ZPLD1: variants seen among roughly 807,000 people sequenced by gnomAD.
ZPLD1 encodes the protein zona pellucida-like domain-containing protein 1.
Under a neutral mutation model 47.2 loss-of-function variants are expected in ZPLD1, and 34 were observed. The observed-to-expected ratio is 0.72, with a 90% CI of 0.55 to 0.96. The LOEUF (loss-of-function observed/expected upper bound fraction) is 0.96, where lower values mean the gene tolerates loss of function less well. Among genes scored for constraint, ZPLD1 ranks in the 40% least tolerant of loss-of-function variants. The pLI, the probability that ZPLD1 is intolerant of heterozygous loss-of-function variation, is 0.00. For synonymous variants in ZPLD1, 176 were observed against 186.2 expected (o/e 0.95, Z 0.45); for missense variants, 512 against 505.8 (o/e 1.01, Z -0.12).
At chr3:102,448,686 G>T (rs922308253) in intron 3 of ZPLD1, among the ~76,000 whole-genome samples, 1 of 152,148 alleles carries the variant, frequency 6.6e-6, no homozygotes, top group African/African-American at 2.4e-5. Context: ...TTCATTGCAG[G>T]AGTTACAAAT....
In ZPLD1 at chr3:102,477,039, T is replaced by G; in HGVS notation, c.1070T>G (p.Leu357Arg). The G allele has an allele frequency of 6.2e-7, 1 of 1,613,678 alleles. No individual in the cohort carries two copies. The highest frequency in any genetic ancestry group is 8.5e-7 in the Non-Finnish European group (1 of 1,179,658). The change falls in exon 11 of 12, where the codon CTT (leucine) becomes CGT (arginine). Residue 357 changes from leucine to arginine, a missense_variant and splice_region_variant. By Grantham distance (102) the Leu-to-Arg change is moderately radical. Coordinates refer to ENST00000466937, the MANE Select transcript of ZPLD1 (RefSeq NM_001329788.2). The stretch of plus-strand genomic sequence containing the variant: ...GAGACTCCAACCAACAATTCGCAAC[T>G]TGGTAAGATAATTAACATATTTTGC... Reference protein sequence around the residue: ...SDETPTNNSQLGSPSMPPFQL... With the variant: ...SDETPTNNSQRGSPSMPPFQL...
intron 8 of ZPLD1, among the ~76,000 whole-genome samples, chr3:102,422,487 G>A (rs1396258554): frequency 6.6e-6 from 1 of 152,022 alleles, no homozygotes; most frequent in African/African-American, 2.4e-5. Flanking sequence ...TAAATGCATA[G>A]CATTTTTAGA....
intron 7 of ZPLD1, among the ~76,000 whole-genome samples, chr3:102,406,897 C>T (rs1706693601): frequency 6.6e-6 from 1 of 151,802 alleles, no homozygotes; most frequent in African/African-American, 2.4e-5. Context: ...AGGTGGTCAG[C>T]TTGAACATAT....
At position 102,468,874 on chromosome 3, in the gene ZPLD1, G is replaced by A. The variant is rs528737849; in HGVS notation, c.762-90G>A. The A allele has an allele frequency of 4.9e-5, 60 of 1,226,366 alleles. 1 individual carries two copies. Among genetic ancestry groups the A allele is most frequent in the East Asian group, 9.6e-5 (4 of 41,602 alleles). The allele number at this position is 1,226,366 out of a possible 1,614,324, so 76.0% of individuals were successfully genotyped here. ...TTCTGTTAGCTCTTAATGTAATGGC[G>A]GAGTCTTAATACGGTAGAAATTAAT... On this transcript the variant is annotated intron_variant, in intron 8 of 11. Coordinates refer to ENST00000466937, the MANE Select transcript of ZPLD1 (RefSeq NM_001329788.2).
chr3:102,407,887 G>A (rs1205913590), intron 7 of ZPLD1, among the ~76,000 whole-genome samples: 5 of 151,720 alleles, frequency 3.3e-5, no homozygotes, highest in African/African-American at 4.8e-5. Flanking sequence ...CTTTCAGCAC[G>A]ATGCAATGAG....
intron 3 of ZPLD1, among the ~76,000 whole-genome samples, chr3:102,445,523 T>G (rs1000023602): frequency 6.6e-6 from 1 of 152,236 alleles, no homozygotes; most frequent in African/African-American, 2.4e-5. Flanking sequence ...ACTTAGCACC[T>G]GAATTGACTG....
chr3:102,443,553 A>G (rs1229009730), intron 3 of ZPLD1, among the ~76,000 whole-genome samples: 1 of 152,190 alleles, frequency 6.6e-6, no homozygotes, highest in Non-Finnish European at 1.5e-5. Flanking sequence ...AAGGATCTGA[A>G]AAGTCATGTG....
At chr3:102,424,284 T>G (rs1706915087) in intron 8 of ZPLD1, among the ~76,000 whole-genome samples, 1 of 152,148 alleles carries the variant, frequency 6.6e-6, no homozygotes, top group African/African-American at 2.4e-5. Context: ...GTTTTCCCTT[T>G]GTGAAAAAAT....
chr3:102,415,352 T>A (rs1706793666), intron 7 of ZPLD1, among the ~76,000 whole-genome samples: 1 of 151,630 alleles, frequency 6.6e-6, no homozygotes, highest in South Asian at 2.1e-4. Context: ...GAGGGTGAGA[T>A]CTCTGATGTT....
intron 4 of ZPLD1, among the ~76,000 whole-genome samples, chr3:102,455,795 G>A (rs1707403777): frequency 6.6e-6 from 1 of 152,128 alleles, no homozygotes; most frequent in African/African-American, 2.4e-5. Flanking sequence ...GGGAAAGTGG[G>A]GAGAGTGACA....
chr3:102,416,736 A>G (rs937538091), intron 7 of ZPLD1, among the ~76,000 whole-genome samples: 12 of 152,062 alleles, frequency 7.9e-5, no homozygotes, highest in African/African-American at 2.9e-4. Context: ...CAAATACAAG[A>G]CAGATTATAT....
chr3:102,470,250 C>A (rs1463598210), intron 9 of ZPLD1, 144 bp from the exon 10 acceptor site: 6 of 652,612 alleles, frequency 9.2e-6, no homozygotes, highest in Non-Finnish European at 2.7e-6. Context: ...CAGTTACATG[C>A]AAAGTAATTA....
chr3:102,473,171 A>G (rs1196771833), intron 10 of ZPLD1, among the ~76,000 whole-genome samples: 1 of 152,196 alleles, frequency 6.6e-6, no homozygotes, highest in Admixed American at 6.5e-5. Flanking sequence ...GGAAGCTATA[A>G]TTCAAGATGA....
At chr3:102,393,281 T>C (rs1191020199) in intron 7 of ZPLD1, among the ~76,000 whole-genome samples, 2 of 152,174 alleles carry the variant, frequency 1.3e-5, no homozygotes, top group Non-Finnish European at 2.9e-5. Context: ...TATTAAGCGC[T>C]TAACTGTGCT....
At chr3:102,422,565 C>T (rs896582873) in intron 8 of ZPLD1, among the ~76,000 whole-genome samples, 11 of 151,824 alleles carry the variant, frequency 7.2e-5, no homozygotes, top group African/African-American at 1.9e-4. Context: ...TCTATGAGCA[C>T]GAAGGGGTTG....
chr3:102,408,829 C>T (rs1165878249), intron 7 of ZPLD1, among the ~76,000 whole-genome samples: 1 of 151,760 alleles, frequency 6.6e-6, no homozygotes, highest in African/African-American at 2.4e-5. Context: ...ATTATATCTA[C>T]TCTTCTTATT....
At position 102,459,614 on chromosome 3, in the gene ZPLD1, A is replaced by C. The variant is rs1444626451; in HGVS notation, c.582+1761A>C. ...AATTAGATGATAACCTTAATATTTTAATTATACGATAACCAATTTTTTGAT... is the reference window on the plus strand; with the variant it reads ...AATTAGATGATAACCTTAATATTTTCATTATACGATAACCAATTTTTTGAT... On this transcript the variant is annotated intron_variant, in intron 6 of 11. Transcript: ENST00000466937. 2.0e-5 allele frequency among the ~76,000 whole-genome samples: 3 copies of C among 152,180 alleles called. 1 individual carries two copies. The highest frequency in any genetic ancestry group is 2.0e-4 in the Admixed American group (3 of 15,278).
In ZPLD1 at chr3:102,477,027, A is replaced by G; in HGVS notation, c.1058A>G (p.Asn353Ser). 3 of 1,613,668 alleles carry G rather than the reference A, an allele frequency of 1.9e-6. No homozygotes were observed. Among genetic ancestry groups the G allele is most frequent in the Non-Finnish European group, 2.5e-6 (3 of 1,179,672 alleles). ...IITRSDETPTNNSQLGSPSMP... is the reference protein window; with the variant it reads ...IITRSDETPTSNSQLGSPSMP... ...TTCCCCTCAGATGAGACTCCAACCAACAATTCGCAACTTGGTAAGATAATT... is the reference window on the plus strand; with the variant it reads ...TTCCCCTCAGATGAGACTCCAACCAGCAATTCGCAACTTGGTAAGATAATT... The change falls in exon 11 of 12, where the codon AAC becomes AGC. Residue 353 changes from asparagine (N) to serine (S), a missense_variant. By Grantham distance (46) the Asn-to-Ser change is conservative (BLOSUM62 1). Transcript: ENST00000466937.
chr3:102,415,640 A>G (rs1468825993), intron 7 of ZPLD1, among the ~76,000 whole-genome samples: 1 of 151,850 alleles, frequency 6.6e-6, no homozygotes, highest in East Asian at 1.9e-4. Context: ...CCATATTGAA[A>G]AGGTGCTTAT....
Sources: allele counts gnomAD v4.1 joint callset (sites outside exome capture counted in the v4.1 genomes callset), GRCh38; gene constraint gnomAD v4.1.1; transcripts MANE v1.5; gene names NCBI Gene and HGNC (gene_info 2026-07-23, HGNC 2026-07-21).